Variants in TNIP3 observed in about 807,000 individuals in gnomAD.
TNIP3 encodes the protein TNFAIP3 interacting protein 3.
TNIP3 carries 34 observed loss-of-function variants against 54.1 expected under a neutral mutation model. The observed-to-expected ratio is 0.63, with a 90% CI of 0.48 to 0.84. The LOEUF (loss-of-function observed/expected upper bound fraction) is 0.84, where lower values mean the gene tolerates loss of function less well. TNIP3 is among the 40% of genes least tolerant of loss of function. TNIP3 has a pLI of 0.00. For synonymous variants in TNIP3, 134 were observed against 136.8 expected (o/e 0.98, Z 0.14); for missense variants, 366 against 387.6 (o/e 0.94, Z 0.47).
intron 2 of TNIP3, among the ~76,000 whole-genome samples, chr4:121,208,484 AATC>A: frequency 6.6e-6 from 1 of 152,162 alleles, no homozygotes; most frequent in Non-Finnish European, 1.5e-5. Context: ...CAACCTAACC[AATC>A]AGCACTACCC....
chr4:121,214,181 T>C (rs1487156069), intron 2 of TNIP3, among the ~76,000 whole-genome samples: 1 of 152,026 alleles, frequency 6.6e-6, no homozygotes, highest in East Asian at 1.9e-4. Flanking sequence ...CTTTCCCACT[T>C]CCCTCAGACA....
In TNIP3 at chr4:121,182,767, AT is replaced by A. The variant is rs1724788650; in HGVS notation, c.97del (p.Ile33SerfsTer4). The stretch of plus-strand genomic sequence containing the variant: ...CGCATTTCTCTCAATCAGATCCTGG[AT>A]TTTTTTGTCCAGCTCCATGCTTTCA... On this transcript the variant is annotated frameshift_variant, in exon 3 of 13. Coordinates refer to the TNIP3 transcript ENST00000507879. LOFTEE classifies it high-confidence loss of function. The A allele has an allele frequency of 6.5e-7, 1 of 1,534,146 alleles. No individual in the cohort carries two copies. The highest frequency in any genetic ancestry group is 8.7e-7 in the Non-Finnish European group (1 of 1,146,854).
intron 2 of TNIP3, among the ~76,000 whole-genome samples, chr4:121,188,270 C>G (rs1725124743): frequency 6.6e-6 from 1 of 151,464 alleles, no homozygotes; most frequent in South Asian, 2.1e-4. Flanking sequence ...TAGATGTTAT[C>G]AATAGGATAG....
intron 2 of TNIP3, among the ~76,000 whole-genome samples, chr4:121,187,804 C>T (rs139383338): frequency 2.6e-5 from 4 of 152,272 alleles, no homozygotes; most frequent in African/African-American, 4.8e-5. Flanking sequence ...ATGTGTTTAT[C>T]GTCTCTTCCT....
chr4:121,221,572 A>G (rs1252392883), upstream of TNIP3, among the ~76,000 whole-genome samples: 2 of 152,238 alleles, frequency 1.3e-5, no homozygotes, highest in Non-Finnish European at 2.9e-5. Flanking sequence ...AGCAAATAAG[A>G]TTCCTATACC....
At chr4:121,163,022 C>T (rs1214275618) in intron 1 of TNIP3, among the ~76,000 whole-genome samples, 6 of 148,372 alleles carry the variant, frequency 4.0e-5, no homozygotes, top group African/African-American at 1.5e-4. Context: ...TAATACATTT[C>T]ACCCTTGATT....
At chr4:121,136,400 T>C (rs1022070488) in intron 10 of TNIP3, among the ~76,000 whole-genome samples, 3 of 152,218 alleles carry the variant, frequency 2.0e-5, no homozygotes. Flanking sequence ...TTTAGAATCC[T>C]ATATATCAAA....
intron 2 of TNIP3, among the ~76,000 whole-genome samples, chr4:121,192,359 C>G (rs1174597437): frequency 6.6e-6 from 1 of 152,212 alleles, no homozygotes; most frequent in Non-Finnish European, 1.5e-5. Context: ...GCGTTAACGT[C>G]CCTTCTCATC....
At chr4:121,150,874 A>G (rs1157528989) in intron 5 of TNIP3, among the ~76,000 whole-genome samples, 1 of 152,206 alleles carries the variant, frequency 6.6e-6, no homozygotes, top group Admixed American at 6.5e-5. Context: ...TAAAACATTC[A>G]TTAACTCACT....
chr4:121,162,904 T>C (rs1560659156), intron 1 of TNIP3, among the ~76,000 whole-genome samples: 2 of 152,218 alleles, frequency 1.3e-5, no homozygotes, highest in Admixed American at 1.3e-4. Flanking sequence ...AAATCCGTGA[T>C]TGGCAAACAT....
At chr4:121,133,646 G>C (rs1728609713) in intron 10 of TNIP3, among the ~76,000 whole-genome samples, 1 of 152,226 alleles carries the variant, frequency 6.6e-6, no homozygotes, top group African/African-American at 2.4e-5. Context: ...TAGATGGAGA[G>C]AGGCTGTGGC....
chr4:121,159,591 G>A (rs1730323489), intron 2 of TNIP3, among the ~76,000 whole-genome samples: 1 of 152,188 alleles, frequency 6.6e-6, no homozygotes, highest in Non-Finnish European at 1.5e-5. Flanking sequence ...TTGCAATAAT[G>A]TGTTTTAAAA....
rs6834599 is a variant in TNIP3 at position 121,157,025 on chromosome 4, A to G, written c.363+69T>C. 0.01 allele frequency: 16,062 copies of G among 1,594,832 alleles called. 1,348 individuals carry two copies. The African/African-American group carries it at 0.19, about 19-fold the overall frequency. On this transcript the variant is annotated intron_variant, in intron 4 of 10. Coordinates refer to ENST00000057513, the MANE Select transcript of TNIP3 (RefSeq NM_024873.6). ...ATTTTAATAAAACGGTAGGTTTTCT[A>G]CAGGAAATCCCCCCGCCCCTTTGCT...
rs112982168 is a variant in TNIP3 at position 121,180,803 on chromosome 4, C to A, written c.189+1873G>T. Among the ~76,000 whole-genome samples the A allele has an allele frequency of 4.3e-3, 662 of 152,310 alleles. 3 individuals carry two copies. Among genetic ancestry groups the A allele is most frequent in the African/African-American group, 0.015 (634 of 41,560 alleles). ...CTCGGTCCTCACTACTACTCTGCAACTCATTTTCGTTTTACTTATCTATTC... is the reference window on the plus strand; with the variant it reads ...CTCGGTCCTCACTACTACTCTGCAAATCATTTTCGTTTTACTTATCTATTC... On this transcript the variant is annotated intron_variant, in intron 3 of 12. Coordinates refer to the TNIP3 transcript ENST00000507879.
At chr4:121,195,713 A>G (rs970317045) in intron 2 of TNIP3, among the ~76,000 whole-genome samples, 13 of 152,256 alleles carry the variant, frequency 8.5e-5, no homozygotes, top group Non-Finnish European at 1.5e-4. Flanking sequence ...GCAGCTATAC[A>G]AAGGCTAGAA....
rs571106388 is a variant in TNIP3, at chr4:121,204,738, G to A, written c.68+11677C>T. Among the ~76,000 whole-genome samples the A allele has an allele frequency of 8.9e-4, 136 of 151,990 alleles. 2 individuals are homozygous for A. The highest frequency in any genetic ancestry group is 1.5e-3 in the Non-Finnish European group (100 of 67,968). On this transcript the variant is annotated intron_variant, in intron 2 of 12. Coordinates refer to the TNIP3 transcript ENST00000507879. ...TAGATTTACCAACGTTAGATTGTTGGGTCCAAGGGTATGGACATTAAAACT... is the reference window on the plus strand; with the variant it reads ...TAGATTTACCAACGTTAGATTGTTGAGTCCAAGGGTATGGACATTAAAACT...
intron 2 of TNIP3, among the ~76,000 whole-genome samples, chr4:121,211,075 C>T (rs1439132120): frequency 6.6e-6 from 1 of 152,004 alleles, no homozygotes; most frequent in Non-Finnish European, 1.5e-5. Context: ...ATGGTTAGAA[C>T]AATGAAAATA....
At chr4:121,163,200 T>A (rs1730563497) in intron 1 of TNIP3, among the ~76,000 whole-genome samples, 2 of 152,154 alleles carry the variant, frequency 1.3e-5, no homozygotes, top group Admixed American at 1.3e-4. Context: ...AGGAATGGCA[T>A]GTAAGTCACA....
At chr4:121,150,587 TCAGAGG>T (rs1179586420) in intron 5 of TNIP3, among the ~76,000 whole-genome samples, 4 of 152,180 alleles carry the variant, frequency 2.6e-5, no homozygotes, top group Non-Finnish European at 5.9e-5. Flanking sequence ...TTAGGGAAAA[TCAGAGG>T]CAGCAAATAT....
Sources: allele counts gnomAD v4.1 joint callset (sites outside exome capture counted in the v4.1 genomes callset), GRCh38; gene constraint gnomAD v4.1.1; transcripts MANE v1.5; gene names NCBI Gene and HGNC (gene_info 2026-07-23, HGNC 2026-07-21).